RUNX1: variants seen among roughly 807,000 people sequenced by gnomAD.
RUNX1 encodes RUNX family transcription factor 1.
A neutral mutation model predicts 42.8 loss-of-function variants in RUNX1; 19 were observed. The ratio of observed to expected loss-of-function variants is 0.44; its 90% confidence interval spans 0.31 to 0.65. The LOEUF is 0.65. RUNX1 is among the 30% of genes least tolerant of loss of function. The pLI, the probability that RUNX1 is intolerant of heterozygous loss-of-function variation, is 0.07. For synonymous variants in RUNX1, 271 were observed against 289.4 expected (o/e 0.94, Z 0.64); for missense variants, 528 against 672.0 (o/e 0.79, Z 2.37).
intron 2 of RUNX1, among the ~76,000 whole-genome samples, chr21:34,961,230 C>T (rs967688312): frequency 2.6e-5 from 4 of 151,970 alleles, no homozygotes; most frequent in Admixed American, 6.6e-5. Flanking sequence ...AAAAATTAGC[C>T]GGACGTGGTG....
intron 8 of RUNX1, among the ~76,000 whole-genome samples, chr21:34,796,830 A>G (rs545884342): frequency 6.6e-5 from 10 of 152,348 alleles, no homozygotes; most frequent in African/African-American, 2.2e-4. Context: ...GTAAACCTCT[A>G]GATGACAACT....
At chr21:34,835,670 C>A (rs1225586952) in intron 6 of RUNX1, among the ~76,000 whole-genome samples, 1 of 152,174 alleles carries the variant, frequency 6.6e-6, no homozygotes, top group African/African-American at 2.4e-5. Flanking sequence ...AGACAATGGC[C>A]TCCTGCTGCT....
At chr21:34,963,452 C>T (rs1006909189) in intron 2 of RUNX1, among the ~76,000 whole-genome samples, 1 of 152,194 alleles carries the variant, frequency 6.6e-6, no homozygotes, top group African/African-American at 2.4e-5. Flanking sequence ...CCTAGTTTGG[C>T]CACTGACTGA....
At chr21:34,868,138 A>G (rs2057689357) in intron 5 of RUNX1, among the ~76,000 whole-genome samples, 1 of 152,168 alleles carries the variant, frequency 6.6e-6, no homozygotes, top group Admixed American at 6.5e-5. Context: ...GTGTGGAGGT[A>G]GAGAGGGAAG....
chr21:34,892,525 CT>C (rs934962799), intron 3 of RUNX1, among the ~76,000 whole-genome samples: 1 of 152,092 alleles, frequency 6.6e-6, no homozygotes, highest in Non-Finnish European at 1.5e-5. Flanking sequence ...TAAAATTAAT[CT>C]TTTTAAAATT....
chr21:34,801,634 C>T (rs79656007), intron 7 of RUNX1, among the ~76,000 whole-genome samples: 4,919 of 152,234 alleles, frequency 0.032, 111 homozygotes, highest in Non-Finnish European at 0.046. Context: ...CCCACCCAAC[C>T]CCCACATCAG....
intron 2 of RUNX1, among the ~76,000 whole-genome samples, chr21:35,037,869 C>G (rs2059320643): frequency 6.6e-6 from 1 of 151,878 alleles, no homozygotes; most frequent in African/African-American, 2.4e-5. Context: ...AGCCTTCTGC[C>G]AAAGAGCACC....
chr21:34,826,164 C>T (rs765338047), intron 7 of RUNX1, among the ~76,000 whole-genome samples: 8 of 152,206 alleles, frequency 5.3e-5, no homozygotes, highest in Non-Finnish European at 1.0e-4. Context: ...TTAGATCCCA[C>T]TGTGGTGGTG....
rs186998043 is a variant in RUNX1, at chr21:34,790,828, A to T, written c.*1307T>A. On this transcript the variant is annotated 3_prime_UTR_variant, in exon 9 of 9. Transcript: ENST00000675419. ...TGCTATAATCGTAACCCCTAAATTC[A>T]TTGATTTGGTTCCTATGTAAATGTG... 54 of 233,208 alleles carry T rather than the reference A, an allele frequency of 2.3e-4. No individual in the cohort carries two copies. Among genetic ancestry groups the T allele is most frequent in the African/African-American group, 1.2e-3 (54 of 45,430 alleles). 14.4% of individuals were successfully genotyped at this position (233,208 alleles called of 1,614,324 possible).
At chr21:34,888,548 G>A (rs2058031590) in intron 3 of RUNX1, 19 of 1,064,378 alleles carry the variant, frequency 1.8e-5, no homozygotes, top group Non-Finnish European at 1.9e-5. Context: ...GCAGGCCAAG[G>A]AGAAGCAGCA....
At chr21:34,840,043 C>T (rs997764653) in intron 6 of RUNX1, among the ~76,000 whole-genome samples, 5 of 152,094 alleles carry the variant, frequency 3.3e-5, no homozygotes, top group African/African-American at 7.2e-5. Context: ...GCAGATAGGC[C>T]GGTGTGTGAC....
intron 2 of RUNX1, among the ~76,000 whole-genome samples, chr21:34,943,041 T>C (rs1241340815): frequency 6.6e-6 from 1 of 152,164 alleles, no homozygotes; most frequent in East Asian, 1.9e-4. Flanking sequence ...TCTGCCTGCA[T>C]TGGCACGCGG....
intron 2 of RUNX1, among the ~76,000 whole-genome samples, chr21:35,012,897 G>GT (rs1414551612): frequency 6.6e-6 from 1 of 152,040 alleles, no homozygotes; most frequent in East Asian, 1.9e-4. Flanking sequence ...TGTGCATAAG[G>GT]TTTTTATCAA....
chr21:34,987,646 G>A (rs374464945), intron 2 of RUNX1, among the ~76,000 whole-genome samples: 22 of 151,990 alleles, frequency 1.4e-4, no homozygotes, highest in African/African-American at 3.9e-4. Flanking sequence ...GTCTGACATC[G>A]CTAAAAAAAT....
chr21:34,911,867 A>C (rs1030943905), intron 2 of RUNX1, among the ~76,000 whole-genome samples: 1 of 151,958 alleles, frequency 6.6e-6, no homozygotes, highest in African/African-American at 2.4e-5. Flanking sequence ...TCCTGTCTCT[A>C]AACTCCCCCA....
At chr21:34,966,535 A>G (rs1196910973) in intron 2 of RUNX1, among the ~76,000 whole-genome samples, 1 of 152,086 alleles carries the variant, frequency 6.6e-6, no homozygotes, top group Non-Finnish European at 1.5e-5. Context: ...GGTAGCCCCC[A>G]ACCCACACCC....
intron 2 of RUNX1, among the ~76,000 whole-genome samples, chr21:35,022,764 G>A (rs11088304): frequency 0.28 from 42,271 of 151,554 alleles, 6,590 homozygotes; most frequent in Non-Finnish European, 0.36. Context: ...GTGTGGTGGC[G>A]GGTGCCCGTA....
chr21:35,031,666 C>T (rs1027172390), intron 2 of RUNX1, among the ~76,000 whole-genome samples: 8 of 152,070 alleles, frequency 5.3e-5, no homozygotes, highest in Admixed American at 2.6e-4. Context: ...TGAATATATA[C>T]ACAATGGAGT....
At chr21:34,965,562 C>CA (rs1465300333) in intron 2 of RUNX1, among the ~76,000 whole-genome samples, 2 of 152,010 alleles carry the variant, frequency 1.3e-5, no homozygotes, top group Non-Finnish European at 2.9e-5. Flanking sequence ...CCATTCATGG[C>CA]AAAAAAATAA....
Sources: gnomAD v4.1 joint callset for allele counts (sites outside exome capture counted in the v4.1 genomes callset) on GRCh38, gnomAD v4.1.1 for gene constraint, MANE v1.5 for transcripts, NCBI Gene and HGNC (gene_info 2026-07-23, HGNC 2026-07-21) for gene names.